The following XXYLT1 variants were observed in gnomAD, a reference collection of about 807,000 sequenced individuals.
XXYLT1 encodes the protein UDP-xylose:alpha-xyloside alpha-1,3-xylosyltransferase.
A neutral mutation model predicts 28.9 loss-of-function variants in XXYLT1; 20 were observed. The ratio of observed to expected loss-of-function variants is 0.69; its 90% CI spans 0.49 to 1.00. The LOEUF is 1.00. XXYLT1 is among the 50% of genes least tolerant of loss of function. XXYLT1 has a pLI of 0.00. For missense variants in XXYLT1, 542 were observed against 560.1 expected, an observed-to-expected ratio of 0.97 and a Z score of 0.33; for synonymous variants, 257 against 253.8, an observed-to-expected ratio of 1.01 and a Z score of -0.12.
intron 3 of XXYLT1, among the ~76,000 whole-genome samples, chr3:195,083,898 C>A (rs1183195706): frequency 6.6e-6 from 1 of 152,110 alleles, no homozygotes; most frequent in Non-Finnish European, 1.5e-5. Flanking sequence ...CGGTGGCAGG[C>A]ACCCGTAGTC....
intron 2 of XXYLT1, among the ~76,000 whole-genome samples, chr3:195,222,785 T>A (rs922972994): frequency 1.3e-5 from 2 of 152,150 alleles, no homozygotes; most frequent in African/African-American, 4.8e-5. Flanking sequence ...ATTTGTACAA[T>A]TTCTTTCATG....
At chr3:195,188,971 T>C (rs1722313482) in intron 2 of XXYLT1, among the ~76,000 whole-genome samples, 1 of 152,222 alleles carries the variant, frequency 6.6e-6, no homozygotes, top group Non-Finnish European at 1.5e-5. Flanking sequence ...TCACTAGATT[T>C]CTTTGAGCCT....
intron 1 of XXYLT1, among the ~76,000 whole-genome samples, chr3:195,242,694 G>A (rs1222648763): frequency 6.6e-6 from 1 of 152,090 alleles, no homozygotes; most frequent in Non-Finnish European, 1.5e-5. Context: ...GATTTGTCCA[G>A]GTATGTTATT....
At chr3:195,192,338 T>C (rs960336991) in intron 2 of XXYLT1, among the ~76,000 whole-genome samples, 4 of 151,672 alleles carry the variant, frequency 2.6e-5, no homozygotes, top group African/African-American at 9.7e-5. Flanking sequence ...GGTTGTAGAA[T>C]TGCTTGAACC....
intron 3 of XXYLT1, among the ~76,000 whole-genome samples, chr3:195,102,938 C>T (rs1426988672): frequency 6.6e-6 from 1 of 152,196 alleles, no homozygotes; most frequent in Non-Finnish European, 1.5e-5. Context: ...AACGGTGCAG[C>T]GTGCTGGGGC....
chr3:195,168,329 A>T lies in XXYLT1; in HGVS notation c.653-11748T>A, dbSNP rs1721230901. Among the ~76,000 whole-genome samples, 1 of 151,956 alleles carries T rather than the reference A, an allele frequency of 6.6e-6. No individual in the cohort carries two copies. Among genetic ancestry groups the T allele is most frequent in the Non-Finnish European group, 1.5e-5 (1 of 67,946 alleles). ...ACAAATATATCATCAGACACAGGAG[A>T]TATACTCTACTGCGTTGTTCTCACC... On this transcript the variant is annotated intron_variant, in intron 2 of 3. Coordinates refer to ENST00000310380, the MANE Select transcript of XXYLT1 (RefSeq NM_152531.5). This position sits in a 1 kb window ranked among gnomAD's most constrained non-coding sequence, Gnocchi z 4.3.
chr3:195,270,723 G>A lies in XXYLT1; in HGVS notation c.336C>T (p.Ala112=), dbSNP rs773645090. Residue 112 remains alanine, a synonymous_variant, in exon 1 of 4, where the codon GCC becomes GCT. Coordinates refer to ENST00000310380, the MANE Select transcript of XXYLT1 (RefSeq NM_152531.5). ...CGACGCGGGCCTTGGCCTGCAGCGC[G>A]GCATTGTGCTCCGCCTTGGTGAACA... ...LMMFTKAEHN[A]ALQAKARVAL... is the part of the protein sequence containing the mutation. 3.1e-6 allele frequency: 5 copies of A among 1,590,330 alleles called. No homozygotes were observed. The highest frequency in any genetic ancestry group is 1.4e-5 in the African/African-American group (1 of 72,084).
At chr3:195,193,569 C>A (rs2108754811) in intron 2 of XXYLT1, among the ~76,000 whole-genome samples, 2 of 152,130 alleles carry the variant, frequency 1.3e-5, no homozygotes, top group South Asian at 4.1e-4. Flanking sequence ...AATGCAAAAA[C>A]TTAAAAAAGC....
In XXYLT1 at chr3:195,124,764, C is replaced by G; in HGVS notation, c.785+31685G>C. On this transcript the variant is annotated intron_variant, in intron 3 of 3. Coordinates refer to ENST00000310380, the MANE Select transcript of XXYLT1 (RefSeq NM_152531.5). This position sits in a 1 kb window ranked among gnomAD's most constrained non-coding sequence, Gnocchi z 4.1. ...CTGCCCTCGCTGGCCGGGACACAGT[C>G]AGCCAGGTTCCAGGGACCACAACTC... Among the ~76,000 whole-genome samples the G allele has an allele frequency of 6.6e-6, 1 of 152,212 alleles. No homozygotes were observed. Among genetic ancestry groups the G allele is most frequent in the East Asian group, 1.9e-4 (1 of 5,198 alleles).
intron 3 of XXYLT1, among the ~76,000 whole-genome samples, chr3:195,154,906 C>T (rs1720477934): frequency 1.3e-5 from 2 of 152,170 alleles, no homozygotes; most frequent in South Asian, 2.1e-4. Context: ...TTCACTGCTG[C>T]GACCACTATC....
At chr3:195,096,602 G>A (rs1226404576) in intron 3 of XXYLT1, among the ~76,000 whole-genome samples, 1 of 152,212 alleles carries the variant, frequency 6.6e-6, no homozygotes, top group Non-Finnish European at 1.5e-5. Context: ...TCAGAAGTGA[G>A]TCTGAGTCTT....
At chr3:195,171,319 C>T (rs1296250524) in intron 2 of XXYLT1, among the ~76,000 whole-genome samples, 2 of 152,326 alleles carry the variant, frequency 1.3e-5, no homozygotes, top group South Asian at 4.1e-4. Context: ...CTGTTACCAG[C>T]GTCCGCACAC....
chr3:195,198,782 G>A (rs1722732164), intron 2 of XXYLT1, among the ~76,000 whole-genome samples: 2 of 152,126 alleles, frequency 1.3e-5, no homozygotes, highest in South Asian at 2.1e-4. Context: ...ACAAGGTCAT[G>A]GCACCCGCAG....
chr3:195,139,331 GA>G (rs144537062), intron 3 of XXYLT1, among the ~76,000 whole-genome samples: 3,820 of 152,284 alleles, frequency 0.025, 162 homozygotes, highest in African/African-American at 0.087. Flanking sequence ...GTCTGGCTAA[GA>G]CCTTCTAAGA....
intron 3 of XXYLT1, among the ~76,000 whole-genome samples, chr3:195,127,542 G>A (rs1026100627): frequency 9.9e-5 from 15 of 152,156 alleles, no homozygotes; most frequent in Admixed American, 3.9e-4. Context: ...TTAGGAGGCC[G>A]AGACAGGAGG....
intron 3 of XXYLT1, among the ~76,000 whole-genome samples, chr3:195,070,466 C>CAGAGAGGTCAAGGTATTTG (rs1714740484): frequency 2.0e-5 from 3 of 152,074 alleles, no homozygotes; most frequent in Non-Finnish European, 4.4e-5. Context: ...AACGGACGCA[C>CAGAGAGGTCAAGGTATTTG]AGAGAGGTCA....
At chr3:195,270,338 A>C (rs1158379923) in intron 1 of XXYLT1, 18 of 1,132,090 alleles carry the variant, frequency 1.6e-5, no homozygotes, top group Non-Finnish European at 2.1e-5. Context: ...GGTCATTAAA[A>C]ACGCAGCTCC....
At chr3:195,088,368 T>TCACTGAC (rs1715909793) in intron 3 of XXYLT1, among the ~76,000 whole-genome samples, 1 of 147,358 alleles carries the variant, frequency 6.8e-6, no homozygotes, top group Non-Finnish European at 1.5e-5. Context: ...CTCAAGTGGG[T>TCACTGAC]CCCTGACCCC....
chr3:195,270,340 C>T, intron 1 of XXYLT1: 2 of 1,141,366 alleles, frequency 1.8e-6, no homozygotes, highest in Non-Finnish European at 2.3e-6. Context: ...TCATTAAAAA[C>T]GCAGCTCCAC....
Sources: allele counts gnomAD v4.1 joint callset (sites outside exome capture counted in the v4.1 genomes callset), GRCh38; gene constraint gnomAD v4.1.1; non-coding constraint Gnocchi (gnomAD v3.1); transcripts MANE v1.5; gene names NCBI Gene and HGNC (gene_info 2026-07-23, HGNC 2026-07-21).